The following RAPGEF6 variants were observed in gnomAD, a reference collection of about 807,000 sequenced individuals.
RAPGEF6 encodes Rap guanine nucleotide exchange factor 6, also known as PDZ domain containing guanine nucleotide exchange factor (GEF) 2.
In RAPGEF6, 56 loss-of-function variants were observed where a neutral mutation model predicts 171.4. The ratio of observed to expected loss-of-function variants is 0.33; its 90% CI spans 0.26 to 0.41. RAPGEF6 has a LOEUF of 0.41. RAPGEF6 is among the 10% of genes least tolerant of loss of function. RAPGEF6 has a pLI of 1.00. For missense variants in RAPGEF6, 1,674 were observed against 1,921.4 expected, an observed-to-expected ratio of 0.87 and a Z score of 2.41; for synonymous variants, 692 against 650.1, an observed-to-expected ratio of 1.06 and a Z score of -0.98.
Position 131,436,829 on chromosome 5 carries a change from A to G in RAPGEF6, c.3745+2752T>C, listed in dbSNP as rs143816314. Among the ~76,000 whole-genome samples, 468 of 152,348 alleles carry G rather than the reference A, an allele frequency of 3.1e-3. 3 individuals are homozygous for G. The highest frequency in any genetic ancestry group is 0.01 in the African/African-American group (436 of 41,594). On this transcript the variant is annotated intron_variant, in intron 24 of 27. Coordinates refer to ENST00000509018, the MANE Select transcript of RAPGEF6 (RefSeq NM_016340.6). ...TAGTACATACAATAGGTATATTTAT[A>G]ACGTTCATTTTCTGATCCTGTTGTA... is the stretch of plus-strand genomic sequence containing the variant.
intron 5 of RAPGEF6, among the ~76,000 whole-genome samples, chr5:131,559,983 G>A (rs1205435263): frequency 6.6e-6 from 1 of 152,020 alleles, no homozygotes; most frequent in Non-Finnish European, 1.5e-5. Flanking sequence ...AATCAAATCT[G>A]TACAAATAGA....
intron 16 of RAPGEF6, among the ~76,000 whole-genome samples, chr5:131,478,543 A>C (rs998609935): frequency 6.6e-6 from 1 of 152,188 alleles, no homozygotes; most frequent in African/African-American, 2.4e-5. Context: ...ACAGAAACAC[A>C]ATCTATTCAA....
chr5:131,499,469 T>C (rs1756866760), intron 11 of RAPGEF6, among the ~76,000 whole-genome samples: 2 of 149,532 alleles, frequency 1.3e-5, no homozygotes, highest in South Asian at 4.2e-4. Flanking sequence ...TAATCCCAGC[T>C]ACTCAGGAGG....
chr5:131,626,830 T>C (rs1765960072), intron 1 of RAPGEF6, among the ~76,000 whole-genome samples: 1 of 152,158 alleles, frequency 6.6e-6, no homozygotes. Flanking sequence ...CTCTTTAACC[T>C]GTTACTCTGA....
At position 131,436,111 on chromosome 5, in the gene RAPGEF6, T is replaced by C. The variant is rs768207817; in HGVS notation, c.3746-2453A>G. On this transcript the variant is annotated intron_variant, in intron 24 of 27. Coordinates refer to ENST00000509018, the MANE Select transcript of RAPGEF6 (RefSeq NM_016340.6). ...CTCACAGCTTTCTGTAGCTTGATTGTGATCTGTGTCCTCTTTTTGGCTGTT... is the reference window on the plus strand; with the variant it reads ...CTCACAGCTTTCTGTAGCTTGATTGCGATCTGTGTCCTCTTTTTGGCTGTT... 7 of 1,538,048 alleles carry C rather than the reference T, an allele frequency of 4.6e-6. No individual in the cohort carries two copies. The South Asian group carries it at 8.3e-5, about 18-fold the overall frequency.
At chr5:131,468,262 G>C (rs1754504484) in intron 17 of RAPGEF6, among the ~76,000 whole-genome samples, 2 of 149,574 alleles carry the variant, frequency 1.3e-5, no homozygotes, top group African/African-American at 2.5e-5. Context: ...AACCCGGGAG[G>C]CGTAGCTTGC....
chr5:131,542,879 A>C (rs1760248301), intron 6 of RAPGEF6, among the ~76,000 whole-genome samples: 1 of 152,232 alleles, frequency 6.6e-6, no homozygotes, highest in Admixed American at 6.5e-5. Context: ...AATACATAGA[A>C]AACAGGTAAA....
Position 131,453,160 on chromosome 5 carries a change from C to T in RAPGEF6, c.3094G>A (p.Asp1032Asn), listed in dbSNP as rs367554482. 5.0e-6 allele frequency: 8 copies of T among 1,612,246 alleles called. No homozygotes were observed. The South Asian group carries it at 6.6e-5, about 13-fold the overall frequency. Residue 1032 changes from aspartate (D) to asparagine (N), a missense_variant, in exon 21 of 28, where the codon GAT becomes AAT. Physicochemically the swap from Asp to Asn is conservative, Grantham distance 23 (BLOSUM62 1). This residue lies in a region of RAPGEF6 where 1,116 missense variants were observed against 1,321.5 expected (regional missense o/e 0.84). Transcript: ENST00000509018. The stretch of plus-strand genomic sequence containing the variant: ...AACTTCTCAAAGTTTACTAAACCAT[C>T]TACTTTGGAGTCATTTCCTATAGAA... ...FLHEGNDSKVDGLVNFEKLRM... is the reference protein window; with the variant it reads ...FLHEGNDSKVNGLVNFEKLRM...
At chr5:131,592,599 A>C (rs1763658678) in intron 3 of RAPGEF6, 133 bp from the exon 4 acceptor site, 5 of 1,427,652 alleles carry the variant, frequency 3.5e-6, no homozygotes, top group Admixed American at 2.6e-5. Context: ...GAAATTTGGA[A>C]TATTTTGCCT....
intron 11 of RAPGEF6, among the ~76,000 whole-genome samples, chr5:131,501,824 G>A (rs1431900572): frequency 6.6e-6 from 1 of 152,170 alleles, no homozygotes; most frequent in Non-Finnish European, 1.5e-5. Flanking sequence ...GGTACAGGTA[G>A]TAGTGGAATT....
intron 8 of RAPGEF6, among the ~76,000 whole-genome samples, chr5:131,509,975 G>C (rs1757616451): frequency 6.6e-6 from 1 of 152,170 alleles, no homozygotes. Flanking sequence ...TAAGTATGTT[G>C]TAAGGACAAT....
chr5:131,439,886 C>T, intron 23 of RAPGEF6, 171 bp from the exon 24 acceptor site: 1 of 1,127,198 alleles, frequency 8.9e-7, no homozygotes. Context: ...TACAGAGATT[C>T]TCACCTCTAG....
intron 4 of RAPGEF6, among the ~76,000 whole-genome samples, chr5:131,568,492 G>GT (rs1242693125): frequency 6.6e-6 from 1 of 151,838 alleles, no homozygotes; most frequent in Non-Finnish European, 1.5e-5. Flanking sequence ...CACCACACAC[G>GT]TTTTTTTGTA....
chr5:131,427,768 G>A (rs764958135), intron 27 of RAPGEF6, among the ~76,000 whole-genome samples: 8 of 152,088 alleles, frequency 5.3e-5, no homozygotes, highest in Non-Finnish European at 1.0e-4. Context: ...GAGCCACAGG[G>A]TACTAGGCAC....
intron 15 of RAPGEF6, among the ~76,000 whole-genome samples, chr5:131,480,192 T>C (rs1328229552): frequency 6.6e-6 from 1 of 152,202 alleles, no homozygotes; most frequent in African/African-American, 2.4e-5. Flanking sequence ...CATTTATACT[T>C]GAATTTTTTT....
rs1489914334 is a variant in RAPGEF6 at position 131,629,702 on chromosome 5, G to A, written c.69+5260C>T. On this transcript the variant is annotated intron_variant, in intron 1 of 27. Transcript: ENST00000509018. ...TGGGAAGTAGAGGCTGCAGTGGGCT[G>A]TGATTACGCCACTGCACTCCAACCT... Among the ~76,000 whole-genome samples, 5 of 150,296 alleles carry A rather than the reference G, an allele frequency of 3.3e-5. No individual in the cohort carries two copies. The Admixed American group carries it at 3.3e-4, about 10-fold the overall frequency.
chr5:131,631,409 A>G (rs139451098), intron 1 of RAPGEF6, among the ~76,000 whole-genome samples: 10 of 152,286 alleles, frequency 6.6e-5, no homozygotes, highest in Non-Finnish European at 1.2e-4. Context: ...AAAAACCTTG[A>G]AGTCATGCTT....
At chr5:131,479,988 C>T (rs920773816) in intron 15 of RAPGEF6, among the ~76,000 whole-genome samples, 4 of 151,820 alleles carry the variant, frequency 2.6e-5, no homozygotes, top group Non-Finnish European at 4.4e-5. Context: ...AAAGGAAAGT[C>T]AGTGGGGGGA....
intron 3 of RAPGEF6, among the ~76,000 whole-genome samples, chr5:131,598,005 A>G (rs1336508944): frequency 6.6e-6 from 1 of 152,206 alleles, no homozygotes; most frequent in Non-Finnish European, 1.5e-5. Context: ...GTGTCGATTA[A>G]AAAGTTAAAA....
Sources: gnomAD v4.1 joint callset for allele counts (sites outside exome capture counted in the v4.1 genomes callset) on GRCh38, gnomAD v4.1.1 for gene constraint, gnomAD v4.1.1 regional missense constraint, MANE v1.5 for transcripts, NCBI Gene and HGNC (gene_info 2026-07-23, HGNC 2026-07-21) for gene names.